The following PRDM16 variants were observed in gnomAD, a reference collection of about 807,000 sequenced individuals.
PRDM16 encodes the protein PR/SET domain 16.
PRDM16 carries 23 observed loss-of-function variants against 110.6 expected under a neutral mutation model. That is an observed-to-expected ratio of 0.21 (90% CI 0.15 to 0.29). The LOEUF (loss-of-function observed/expected upper bound fraction) is 0.29. Among genes scored for constraint, PRDM16 ranks in the 10% least tolerant of loss-of-function variants. The pLI, the probability that PRDM16 is intolerant of heterozygous loss-of-function variation, is 1.00. For synonymous variants in PRDM16, 799 were observed against 781.8 expected (o/e 1.02, Z -0.37); for missense variants, 1,615 against 1,794.3 (o/e 0.90, Z 1.81).
chr1:3,096,128 A>C (rs1324126118), intron 1 of PRDM16, among the ~76,000 whole-genome samples: 1 of 152,096 alleles, frequency 6.6e-6, no homozygotes, highest in Non-Finnish European at 1.5e-5. Flanking sequence ...CCCCATGCTT[A>C]GAATGTTCTG....
chr1:3,147,848 AGGCTGAGAGCTGATACT>A (rs1161014743), intron 1 of PRDM16, among the ~76,000 whole-genome samples: 1 of 152,186 alleles, frequency 6.6e-6, no homozygotes, highest in East Asian at 1.9e-4. Context: ...GCCATGGGGC[AGGCTGAGAGCTGATACT>A]GGCCCCTCTC....
chr1:3,433,816 C>T lies in PRDM16; in HGVS notation c.*5C>T, dbSNP rs1638838449. On this transcript the variant is annotated 3_prime_UTR_variant, in exon 17 of 17. Transcript: ENST00000270722. ...CACCCCATCAACCACCTCTGACGGG[C>T]TGGGCAGCCGGGGGCCGGTGGCCAG... is the stretch of plus-strand genomic sequence containing the variant. 6.2e-7 allele frequency: 1 copy of T among 1,612,358 alleles called. No homozygotes were observed. Among genetic ancestry groups the T allele is most frequent in the Admixed American group, 1.7e-5 (1 of 59,994 alleles).
chr1:3,373,459 A>T (rs1642941142), intron 3 of PRDM16, among the ~76,000 whole-genome samples: 1 of 152,138 alleles, frequency 6.6e-6, no homozygotes, highest in Non-Finnish European at 1.5e-5. Context: ...GTCGTTGCAG[A>T]CGTTTCTCAG....
chr1:3,400,159 C>A (rs1296327019), intron 5 of PRDM16, among the ~76,000 whole-genome samples: 2 of 152,254 alleles, frequency 1.3e-5, no homozygotes, highest in Non-Finnish European at 1.5e-5. Context: ...CATGGGCAGG[C>A]TGCAGGCCCA....
Position 3,434,012 on chromosome 1 carries a change from C to G in PRDM16, c.*201C>G, listed in dbSNP as rs1009487671. On this transcript the variant is annotated 3_prime_UTR_variant, in exon 17 of 17. Coordinates refer to ENST00000270722, the MANE Select transcript of PRDM16 (RefSeq NM_022114.4). ...AAGCAGTCGTAGAGTCTCACCATCTCCAAGGATTGGTCTTGAGAACACTGT... is the reference window on the plus strand; with the variant it reads ...AAGCAGTCGTAGAGTCTCACCATCTGCAAGGATTGGTCTTGAGAACACTGT... The G allele has an allele frequency of 4.4e-5, 26 of 588,624 alleles. No individual in the cohort carries two copies. The South Asian group carries it at 5.2e-4, about 12-fold the overall frequency. The allele number at this position is 588,624 out of a possible 1,614,324, so 36.5% of individuals were successfully genotyped here.
At chr1:3,321,197 T>C (rs1021988288) in intron 3 of PRDM16, among the ~76,000 whole-genome samples, 7 of 152,156 alleles carry the variant, frequency 4.6e-5, no homozygotes, top group African/African-American at 1.7e-4. Flanking sequence ...AGAGATAACT[T>C]AACCCCGGGT....
At chr1:3,366,148 C>T (rs1432972700) in intron 3 of PRDM16, among the ~76,000 whole-genome samples, 4 of 152,238 alleles carry the variant, frequency 2.6e-5, no homozygotes, top group Non-Finnish European at 5.9e-5. Flanking sequence ...TCTAGCGCCC[C>T]GATGTGCCGA....
intron 3 of PRDM16, among the ~76,000 whole-genome samples, chr1:3,363,267 C>T (rs1642749394): frequency 6.6e-6 from 1 of 152,228 alleles, no homozygotes; most frequent in African/African-American, 2.4e-5. Flanking sequence ...CCATTAACTG[C>T]TGTCTGTCCA....
At position 3,315,089 on chromosome 1, in the gene PRDM16, A is replaced by G. The variant is rs1195374334; in HGVS notation, c.439-70063A>G. Among the ~76,000 whole-genome samples the G allele has an allele frequency of 4.8e-5, 7 of 144,580 alleles. No individual in the cohort carries two copies. The South Asian group carries it at 1.2e-3, about 25-fold the overall frequency. The allele number at this position is 144,580 out of a possible 152,430, so 94.9% of individuals were successfully genotyped here. A position where few individuals can be genotyped will look rare whatever the true frequency, so the allele number is the denominator to read the frequency against. On this transcript the variant is annotated intron_variant, in intron 3 of 16. Transcript: ENST00000270722. ...AAGGCCAGTGGGACCCAGAAACCCA[A>G]CTGGGAGAGCAGCGAGACACTTGCT...
rs1640032650 is a variant in PRDM16 at position 3,255,860 on chromosome 1, GAAGCCAACCCCGTGGCCGCACTGACACCC to G, written c.438+11724_438+11752del. ...CAATCCCGTGGCCGCACCGACACCC[GAAGCCAACCCCGTGGCCGCACTGACACCC>G]GAAGCCAACCCCGTGGCCGCACCGA... On this transcript the variant is annotated intron_variant, in intron 3 of 16. Transcript: ENST00000270722. The surrounding 1 kb of genome is among the most constrained non-coding windows in gnomAD (Gnocchi z 4.7). 6.8e-5 allele frequency among the ~76,000 whole-genome samples: 10 copies of G among 147,396 alleles called. No homozygotes were observed. Among genetic ancestry groups the G allele is most frequent in the African/African-American group, 2.3e-4 (9 of 39,882 alleles).
At chr1:3,281,389 C>T (rs1445159716) in intron 3 of PRDM16, among the ~76,000 whole-genome samples, 1 of 152,190 alleles carries the variant, frequency 6.6e-6, no homozygotes, top group African/African-American at 2.4e-5. Flanking sequence ...AAGTAGGTGT[C>T]CACTATATGA....
intron 1 of PRDM16, among the ~76,000 whole-genome samples, chr1:3,138,865 A>G (rs1490843939): frequency 6.6e-6 from 1 of 152,162 alleles, no homozygotes; most frequent in Non-Finnish European, 1.5e-5. Context: ...TGCAGCTGCC[A>G]TCTTGTGATG....
At chr1:3,387,203 C>T (rs6676024) in intron 4 of PRDM16, among the ~76,000 whole-genome samples, 4,546 of 152,168 alleles carry the variant, frequency 0.03, 78 homozygotes, top group Middle Eastern at 0.078. Flanking sequence ...CCCACAGTGC[C>T]GACTTCCTCC....
At chr1:3,398,126 G>C (rs1046504838) in intron 5 of PRDM16, among the ~76,000 whole-genome samples, 1 of 152,162 alleles carries the variant, frequency 6.6e-6, no homozygotes. Flanking sequence ...CTTAGACAGC[G>C]CACAAGAACG....
chr1:3,267,997 G>A (rs1010246105), intron 3 of PRDM16, among the ~76,000 whole-genome samples: 2 of 152,222 alleles, frequency 1.3e-5, no homozygotes, highest in African/African-American at 2.4e-5. Flanking sequence ...CGCAAGCAAC[G>A]CGGGTGCAAA....
chr1:3,414,526 G>A lies in PRDM16; in HGVS notation c.2604-34G>A, dbSNP rs370654838. The A allele has an allele frequency of 2.5e-4, 383 of 1,552,832 alleles. 3 individuals carry two copies. In the South Asian group the frequency reaches 3.8e-3, roughly 15 times the overall value. Reference sequence around the variant, plus strand: ...GGTGGCTCGGCGGGGCGGGCGGCTCGGTGGGGTACGTAACCCTCTGTGCTG... The same window carrying A: ...GGTGGCTCGGCGGGGCGGGCGGCTCAGTGGGGTACGTAACCCTCTGTGCTG... On this transcript the variant is annotated intron_variant, in intron 9 of 16. Coordinates refer to ENST00000270722, the MANE Select transcript of PRDM16 (RefSeq NM_022114.4).
intron 1 of PRDM16, among the ~76,000 whole-genome samples, chr1:3,179,113 C>T (rs1472342604): frequency 6.6e-6 from 1 of 152,220 alleles, no homozygotes; most frequent in East Asian, 1.9e-4. Flanking sequence ...AGGGCTCTCC[C>T]CGGTTTTGAA....
intron 1 of PRDM16, among the ~76,000 whole-genome samples, chr1:3,093,072 G>C (rs936800863): frequency 2.0e-5 from 3 of 152,286 alleles, no homozygotes; most frequent in Middle Eastern, 3.4e-3. Flanking sequence ...GCCCTCAATA[G>C]TAACTTCCCT....
At chr1:3,236,088 G>A (rs2455110) in intron 2 of PRDM16, among the ~76,000 whole-genome samples, 36,470 of 152,000 alleles carry the variant, frequency 0.24, 5,505 homozygotes, top group African/African-American at 0.41. Context: ...CCCTGCAGGC[G>A]CCACCCTCCC....
Sources: gnomAD v4.1 joint callset for allele counts (sites outside exome capture counted in the v4.1 genomes callset) on GRCh38, gnomAD v4.1.1 for gene constraint, Gnocchi (gnomAD v3.1) non-coding constraint, MANE v1.5 for transcripts, NCBI Gene and HGNC (gene_info 2026-07-23, HGNC 2026-07-21) for gene names.